The following TPR variants were observed in gnomAD, a reference collection of about 807,000 sequenced individuals.
TPR encodes nucleoprotein TPR.
A neutral mutation model predicts 316.1 loss-of-function variants in TPR; 51 were observed. The observed-to-expected ratio is 0.16, with a 90% CI of 0.13 to 0.20. The LOEUF is 0.20. Ranked by LOEUF, TPR falls within the 10% of genes least tolerant of loss-of-function variation. The pLI, the probability that TPR is intolerant of heterozygous loss-of-function variation, is 1.00. For missense variants in TPR, 2,272 were observed against 2,754.8 expected (o/e 0.82, Z 3.92); for synonymous variants, 981 against 914.7 (o/e 1.07, Z -1.31).
intron 27 of TPR, 75 bp from the exon 28 acceptor site, chr1:186,341,464 TCCTC>T: frequency 2.1e-6 from 3 of 1,447,808 alleles, no homozygotes; most frequent in Non-Finnish European, 2.8e-6. Flanking sequence ...TGAGCTCAAA[TCCTC>T]CCTATGACAA....
intron 40 of TPR, 76 bp downstream of exon 40, chr1:186,327,384 T>A: frequency 1.5e-6 from 2 of 1,372,144 alleles, no homozygotes; most frequent in Non-Finnish European, 2.0e-6. Context: ...TTACAGCCAA[T>A]GCATTAGTAT....
At chr1:186,358,438 G>C in intron 13 of TPR, 105 bp downstream of exon 13, 1 of 794,884 alleles carries the variant, frequency 1.3e-6, no homozygotes, top group Non-Finnish European at 2.0e-6. Context: ...TAATTAATTA[G>C]AATTTCATAC....
In TPR at chr1:186,325,849, A is replaced by G. The variant is rs1434680369; in HGVS notation, c.6027T>C (p.Gly2009=). Residue 2009 remains glycine, a synonymous_variant, in exon 42 of 51, where the codon GGT becomes GGC. Transcript: ENST00000367478. ...DGYEADDAEG[G]DGTDPGTETE... ...TTTCTGTACCTGGATCAGTCCCATC[A>G]CCACCCTAAAAACAAAACGTGGTAA... 1 of 1,613,104 alleles carries G rather than the reference A, an allele frequency of 6.2e-7. No individual in the cohort carries two copies. Among genetic ancestry groups the G allele is most frequent in the Non-Finnish European group, 8.5e-7 (1 of 1,179,638 alleles).
chr1:186,312,602 C>G lies in TPR; in HGVS notation c.*1369G>C. The G allele has an allele frequency of 3.8e-6, 3 of 798,914 alleles. No homozygotes were observed. The South Asian group carries it at 5.2e-5, about 14-fold the overall frequency. 49.5% of individuals were successfully genotyped at this position (798,914 alleles called of 1,614,324 possible). On this transcript the variant is annotated 3_prime_UTR_variant, in exon 51 of 51. Coordinates refer to ENST00000367478, the MANE Select transcript of TPR (RefSeq NM_003292.3). ...TCAGGTTTGTTAGTTATAACCAATA[C>G]TATTTATCAAGTACTTCTTACCAAG...
chr1:186,343,670 G>T (rs1282124887), intron 26 of TPR, among the ~76,000 whole-genome samples, 197 bp from the exon 27 acceptor site: 4 of 152,098 alleles, frequency 2.6e-5, no homozygotes, highest in African/African-American at 9.7e-5. Context: ...TCTCTAAAAT[G>T]ATCTGAAAGG....
intron 31 of TPR, among the ~76,000 whole-genome samples, chr1:186,337,394 A>G (rs1658371620): frequency 6.6e-6 from 1 of 152,188 alleles, no homozygotes; most frequent in African/African-American, 2.4e-5. Flanking sequence ...TGAATTTTCA[A>G]CACTTAACTG....
chr1:186,373,573 T>A, intron 1 of TPR, 110 bp from the exon 2 acceptor site: 2 of 606,864 alleles, frequency 3.3e-6, no homozygotes, highest in Admixed American at 2.9e-5. Context: ...AGATACAGTA[T>A]TAGAATTGTG....
chr1:186,317,667 T>C, intron 48 of TPR, 67 bp from the exon 49 acceptor site: 1 of 1,416,390 alleles, frequency 7.1e-7, no homozygotes, highest in Non-Finnish European at 9.8e-7. Flanking sequence ...ATATCCACTC[T>C]TTTAAATCTA....
intron 2 of TPR, among the ~76,000 whole-genome samples, chr1:186,372,949 A>C (rs1275314361): frequency 6.6e-6 from 1 of 152,220 alleles, no homozygotes; most frequent in Non-Finnish European, 1.5e-5. Context: ...TCGATTCTTC[A>C]ACATAAAAAC....
chr1:186,341,452 T>C, intron 27 of TPR, 63 bp from the exon 28 acceptor site: 1 of 1,521,392 alleles, frequency 6.6e-7, no homozygotes, highest in Non-Finnish European at 8.9e-7. Flanking sequence ...TACCTGTTCC[T>C]ATGAGCTCAA....
Position 186,355,773 on chromosome 1 carries a change from AG to A in TPR, c.1889-6del, listed in dbSNP as rs778274295. On this transcript the variant is annotated splice_polypyrimidine_tract_variant and splice_region_variant and intron_variant, in intron 15 of 50. Coordinates refer to ENST00000367478, the MANE Select transcript of TPR (RefSeq NM_003292.3). Reference sequence around the variant, plus strand: ...AAACATCATCTAAGCTTGAAGCTTCAGGAAAGTAAAGACTAATAAAATGCTT... The same window carrying A: ...AAACATCATCTAAGCTTGAAGCTTCAGAAAGTAAAGACTAATAAAATGCTT... 1 of 1,612,836 alleles carries A rather than the reference AG, an allele frequency of 6.2e-7. No individual in the cohort carries two copies. The highest frequency in any genetic ancestry group is 8.5e-7 in the Non-Finnish European group (1 of 1,179,710).
chr1:186,364,059 T>C (rs952519137), intron 4 of TPR, among the ~76,000 whole-genome samples: 3 of 152,212 alleles, frequency 2.0e-5, no homozygotes, highest in Non-Finnish European at 2.9e-5. Flanking sequence ...TTCAGTAAAT[T>C]GCATAATGCA....
At chr1:186,326,693 A>C (rs1193435824) in intron 40 of TPR, among the ~76,000 whole-genome samples, 2 of 151,550 alleles carry the variant, frequency 1.3e-5, no homozygotes, top group Non-Finnish European at 2.9e-5. Flanking sequence ...ATATAAAAAA[A>C]TGACAAAAAT....
chr1:186,367,795 C>T, intron 4 of TPR, 91 bp downstream of exon 4: 1 of 820,572 alleles, frequency 1.2e-6, no homozygotes, highest in South Asian at 1.8e-5. Context: ...AAAAAAATAT[C>T]AGCAACAGAA....
intron 34 of TPR, 99 bp downstream of exon 34, chr1:186,335,239 G>A: frequency 6.5e-7 from 1 of 1,549,258 alleles, no homozygotes; most frequent in Non-Finnish European, 8.8e-7. Flanking sequence ...TTGAATTTTA[G>A]CCAAAATTCA....
At chr1:186,344,680 T>A in intron 24 of TPR, 102 bp from the exon 25 acceptor site, 1 of 849,332 alleles carries the variant, frequency 1.2e-6, no homozygotes, top group Non-Finnish European at 1.6e-6. Context: ...ATAATAAAAG[T>A]AAAGACAATC....
intron 15 of TPR, 95 bp downstream of exon 15, chr1:186,356,191 T>A: frequency 9.1e-7 from 1 of 1,104,220 alleles, no homozygotes; most frequent in Non-Finnish European, 1.2e-6. Context: ...AATTTGAAGC[T>A]ACCATCATTA....
chr1:186,343,979 C>G lies in TPR; in HGVS notation c.3529G>C (p.Gly1177Arg), dbSNP rs755792842. 2 of 1,614,082 alleles carry G rather than the reference C, an allele frequency of 1.2e-6. No homozygotes were observed. Among genetic ancestry groups the G allele is most frequent in the Admixed American group, 3.3e-5 (2 of 59,994 alleles). ...SDKVVASVKE[G>R]VQGPLNVSLS... is the part of the protein sequence containing the mutation. The stretch of plus-strand genomic sequence containing the variant: ...GATACATTCAGTGGACCTTGTACAC[C>G]TTCCTTCACAGAGGCAACGACCTTG... Residue 1177 changes from glycine (G) to arginine (R), a missense_variant, in exon 26 of 51, where the codon GGT (glycine) becomes CGT (arginine). Gly to Arg is a moderately radical substitution (Grantham distance 125). This residue lies in a region of TPR where 757 missense variants were observed against 859.8 expected (regional missense o/e 0.88). Coordinates refer to ENST00000367478, the MANE Select transcript of TPR (RefSeq NM_003292.3).
rs1223743120 is a variant in TPR, at chr1:186,320,347, C to T, written c.6533G>A (p.Ser2178Asn). 6.2e-7 allele frequency: 1 copy of T among 1,612,990 alleles called. No homozygotes were observed. The highest frequency in any genetic ancestry group is 8.5e-7 in the Non-Finnish European group (1 of 1,179,360). The change falls in exon 46 of 51, where the codon AGT becomes AAT. Residue 2178 changes from serine to asparagine, a missense_variant. This residue lies in a region of TPR where 88 missense variants were observed against 176.2 expected (regional missense o/e 0.50). Transcript: ENST00000367478. Reference sequence around the variant, plus strand: ...AGCAAGCTGGCCAAGATCAGAGTGACTAGAACTTGTTTGTGGCATATCTTC... The same window carrying T: ...AGCAAGCTGGCCAAGATCAGAGTGATTAGAACTTGTTTGTGGCATATCTTC... ...PPEDMPQTSS[S>N]HSDLGQLASQ... is the part of the protein sequence containing the mutation.
Sources: gnomAD v4.1 joint callset for allele counts (sites outside exome capture counted in the v4.1 genomes callset) on GRCh38, gnomAD v4.1.1 for gene constraint, gnomAD v4.1.1 regional missense constraint, MANE v1.5 for transcripts, NCBI Gene and HGNC (gene_info 2026-07-23, HGNC 2026-07-21) for gene names.